The following ADAMTS14 variants were observed in gnomAD, a reference collection of about 807,000 sequenced individuals.
ADAMTS14 encodes the protein ADAM metallopeptidase with thrombospondin type 1 motif 14, also known as A disintegrin and metalloproteinase with thrombospondin motifs 14.
A neutral mutation model predicts 128.6 loss-of-function variants in ADAMTS14; 100 were observed. The ratio of observed to expected loss-of-function variants is 0.78; its 90% CI spans 0.66 to 0.92. The LOEUF is 0.92. Ranked by LOEUF, ADAMTS14 falls within the 40% of genes least tolerant of loss-of-function variation. The probability of loss-of-function intolerance (pLI) is 0.00; values close to 1 mark genes in which losing one functional copy is unlikely to be tolerated. For missense variants in ADAMTS14, 1,562 were observed against 1,658.6 expected, an observed-to-expected ratio of 0.94 and a Z score of 1.01; for synonymous variants, 665 against 653.8, an observed-to-expected ratio of 1.02 and a Z score of -0.26.
intron 7 of ADAMTS14, among the ~76,000 whole-genome samples, chr10:70,732,993 G>A (rs545017382): frequency 6.6e-6 from 1 of 152,324 alleles, no homozygotes; most frequent in South Asian, 2.1e-4. Context: ...CCCTCAAGAG[G>A]CTACATGCTG....
chr10:70,701,113 C>A (rs1840480238), intron 2 of ADAMTS14, among the ~76,000 whole-genome samples: 1 of 152,166 alleles, frequency 6.6e-6, no homozygotes, highest in Non-Finnish European at 1.5e-5. Flanking sequence ...ACAGAAACAG[C>A]TAGAAGGGGC....
Position 70,741,153 on chromosome 10 carries a change from C to G in ADAMTS14, c.1915C>G (p.Pro639Ala). 6.2e-7 allele frequency: 1 copy of G among 1,612,810 alleles called. No individual in the cohort carries two copies. Among genetic ancestry groups the G allele is most frequent in the Non-Finnish European group, 8.5e-7 (1 of 1,179,494 alleles). Residue 639 changes from proline (P) to alanine (A), a missense_variant, in exon 12 of 22, where the codon CCT becomes GCT. Pro to Ala is a conservative substitution (Grantham distance 27). Coordinates refer to ENST00000373207, the MANE Select transcript of ADAMTS14 (RefSeq NM_080722.4). ...CAAGCACAGCTGGGTGCCCTACGAGCCTGACGATGGTGAGTGGGCCCCACC... is the reference window on the plus strand; with the variant it reads ...CAAGCACAGCTGGGTGCCCTACGAGGCTGACGATGGTGAGTGGGCCCCACC... ...NAKHSWVPYE[P>A]DDDAQKCELI...
At position 70,749,857 on chromosome 10, in the gene ADAMTS14, A is replaced by G; in HGVS notation, c.2299A>G (p.Asn767Asp). 1 of 1,613,998 alleles carries G rather than the reference A, an allele frequency of 6.2e-7. No individual in the cohort carries two copies. Among genetic ancestry groups the G allele is most frequent in the Non-Finnish European group, 8.5e-7 (1 of 1,180,002 alleles). The change falls in exon 16 of 22, where the codon AAC becomes GAC. Residue 767 changes from asparagine (N) to aspartate (D), a missense_variant. Asn to Asp is a conservative substitution (Grantham distance 23, BLOSUM62 1). Transcript: ENST00000373207. ...KNQVTGSFIL[N>D]PKGKEATSRT... ...CCAGGTCACCGGCAGCTTCATCCTC[A>G]ACCCCAAGGGCAAGGAAGCCACAAG...
In ADAMTS14 at chr10:70,678,632, C is replaced by A. The variant is rs530401426; in HGVS notation, c.522+3637C>A. On this transcript the variant is annotated intron_variant, in intron 2 of 21. Coordinates refer to ENST00000373207, the MANE Select transcript of ADAMTS14 (RefSeq NM_080722.4). Reference sequence around the variant, plus strand: ...GCTTGGTCTGACCTTGAAGGAAGGGCAGGATGGAAGAAGGGGTGTGGGGCA... The same window carrying A: ...GCTTGGTCTGACCTTGAAGGAAGGGAAGGATGGAAGAAGGGGTGTGGGGCA... Among the ~76,000 whole-genome samples the A allele has an allele frequency of 2.0e-5, 3 of 150,226 alleles. No individual in the cohort carries two copies. In the South Asian group the frequency reaches 6.3e-4, roughly 32 times the overall value.
intron 2 of ADAMTS14, among the ~76,000 whole-genome samples, chr10:70,677,013 G>A (rs944839291): frequency 2.0e-5 from 3 of 152,182 alleles, no homozygotes; most frequent in Non-Finnish European, 4.4e-5. Context: ...AACCTAAACT[G>A]AGGATGACCG....
chr10:70,727,693 C>T (rs112501643), intron 4 of ADAMTS14, among the ~76,000 whole-genome samples: 1,533 of 143,802 alleles, frequency 0.011, no homozygotes, highest in East Asian at 0.081. Context: ...CCTGACCATG[C>T]TGGTGGCATC....
intron 2 of ADAMTS14, among the ~76,000 whole-genome samples, chr10:70,691,051 T>G (rs1047395367): frequency 6.9e-6 from 1 of 145,000 alleles, no homozygotes; most frequent in African/African-American, 2.4e-5. Context: ...TGGCAAGATC[T>G]GCCCTGAGTC....
Position 70,741,156 on chromosome 10 carries a change from G to A in ADAMTS14, c.1918G>A (p.Asp640Asn), listed in dbSNP as rs901046712. The change falls in exon 12 of 22, where the codon GAC becomes AAC. Residue 640 changes from aspartate (D) to asparagine (N), a missense_variant. Coordinates refer to ENST00000373207, the MANE Select transcript of ADAMTS14 (RefSeq NM_080722.4). Reference sequence around the variant, plus strand: ...GCACAGCTGGGTGCCCTACGAGCCTGACGATGGTGAGTGGGCCCCACCCCC... The same window carrying A: ...GCACAGCTGGGTGCCCTACGAGCCTAACGATGGTGAGTGGGCCCCACCCCC... ...AKHSWVPYEP[D>N]DDAQKCELIC... 2.5e-6 allele frequency: 4 copies of A among 1,612,310 alleles called. No homozygotes were observed. The highest frequency in any genetic ancestry group is 3.4e-6 in the Non-Finnish European group (4 of 1,179,212).
intron 4 of ADAMTS14, among the ~76,000 whole-genome samples, chr10:70,712,834 C>T (rs1163014274): frequency 1.3e-5 from 2 of 152,154 alleles, no homozygotes; most frequent in East Asian, 1.9e-4. Flanking sequence ...ATGACTTGTC[C>T]TCCTTAAAAA....
At chr10:70,727,024 A>G (rs1164430265) in intron 4 of ADAMTS14, among the ~76,000 whole-genome samples, 3 of 152,134 alleles carry the variant, frequency 2.0e-5, no homozygotes, top group African/African-American at 7.2e-5. Flanking sequence ...TTGCTACTCA[A>G]TTGGATCCAG....
chr10:70,748,836 C>A (rs1440652545), intron 15 of ADAMTS14, among the ~76,000 whole-genome samples: 1 of 152,210 alleles, frequency 6.6e-6, no homozygotes, highest in African/African-American at 2.4e-5. Flanking sequence ...GCTCTGGAGC[C>A]TTTGCCCTCC....
At chr10:70,717,700 G>C (rs1487978054) in intron 4 of ADAMTS14, among the ~76,000 whole-genome samples, 1 of 152,176 alleles carries the variant, frequency 6.6e-6, no homozygotes, top group African/African-American at 2.4e-5. Flanking sequence ...GGTGAGAAGA[G>C]AGACAGAGAG....
intron 2 of ADAMTS14, among the ~76,000 whole-genome samples, 195 bp downstream of exon 2, chr10:70,675,190 G>A (rs72814507): frequency 0.17 from 25,797 of 152,186 alleles, 2,832 homozygotes; most frequent in Non-Finnish European, 0.25. Flanking sequence ...AAGTTGGGAT[G>A]ATGTTCACCC....
At chr10:70,688,856 G>GAC (rs1840085085) in intron 2 of ADAMTS14, among the ~76,000 whole-genome samples, 2 of 1,058 alleles carry the variant, frequency 1.9e-3, no homozygotes, top group Non-Finnish European at 6.8e-3. Flanking sequence ...AGGGGGAGGG[G>GAC]GAGGGGGAGG....
intron 1 of ADAMTS14, 145 bp from the exon 2 acceptor site, chr10:70,674,411 A>T: frequency 1.3e-6 from 1 of 762,132 alleles, no homozygotes; most frequent in Non-Finnish European, 2.1e-6. Flanking sequence ...GAAGCAATGG[A>T]TGGAAAATGG....
chr10:70,735,409 C>A, intron 9 of ADAMTS14, 108 bp downstream of exon 9: 1 of 1,442,904 alleles, frequency 6.9e-7, no homozygotes, highest in Non-Finnish European at 9.3e-7. Context: ...GGCCAGTGGG[C>A]CTGGTGATGG....
intron 2 of ADAMTS14, among the ~76,000 whole-genome samples, chr10:70,693,855 G>A (rs1840258163): frequency 6.6e-6 from 1 of 152,228 alleles, no homozygotes; most frequent in Non-Finnish European, 1.5e-5. Context: ...GAGGCTCTCT[G>A]CTTCCTGGTG....
intron 1 of ADAMTS14, among the ~76,000 whole-genome samples, chr10:70,674,015 A>G (rs975697454): frequency 6.6e-6 from 1 of 152,198 alleles, no homozygotes; most frequent in African/African-American, 2.4e-5. Flanking sequence ...TAACCTTGGA[A>G]AAATAGAGAA....
rs373452188 is a variant in ADAMTS14 at position 70,672,682 on chromosome 10, AGGCGGCAGC to A, written c.-111_-103del. The A allele has an allele frequency of 0.26, 326,810 of 1,269,084 alleles. 43,712 individuals carry two copies. The highest frequency in any genetic ancestry group is 0.34 in the South Asian group (14,701 of 43,296). The allele number at this position is 1,269,084 out of a possible 1,614,324, so 78.6% of individuals were successfully genotyped here. On this transcript the variant is annotated 5_prime_UTR_variant, in exon 1 of 22. Transcript: ENST00000373207. ...AAGCAGCTAGGCGGGGAGGCGGCTGAGGCGGCAGCGGCGGCAGCCAGCCGGTGCTCCGAC... is the reference window on the plus strand; with the variant it reads ...AAGCAGCTAGGCGGGGAGGCGGCTGAGGCGGCAGCCAGCCGGTGCTCCGAC...
Sources: allele counts gnomAD v4.1 joint callset (sites outside exome capture counted in the v4.1 genomes callset), GRCh38; gene constraint gnomAD v4.1.1; transcripts MANE v1.5; gene names NCBI Gene and HGNC (gene_info 2026-07-23, HGNC 2026-07-21).